The following TDRP variants were observed in gnomAD, a reference collection of about 807,000 sequenced individuals.
TDRP encodes the protein testis development-related protein.
Under a neutral mutation model 10.5 loss-of-function variants are expected in TDRP, and 12 were observed. The observed-to-expected ratio is 1.15, with a 90% CI of 0.73 to 1.86. The LOEUF (loss-of-function observed/expected upper bound fraction) is 1.86. TDRP is among the 40% of genes most tolerant of loss of function. The probability of loss-of-function intolerance (pLI) is 0.00; values close to 1 mark genes in which losing one functional copy is unlikely to be tolerated. For missense variants in TDRP, 353 were observed against 229.2 expected (o/e 1.54, Z -3.49); for synonymous variants, 139 against 95.4 (o/e 1.46, Z -2.67).
intron 1 of TDRP, among the ~76,000 whole-genome samples, chr8:536,830 T>C (rs75566531): frequency 9.9e-5 from 15 of 151,608 alleles, no homozygotes; most frequent in African/African-American, 3.4e-4. Context: ...CCGGAGCGAA[T>C]AAGCAGCGCC....
chr8:536,494 C>A (rs910492775), intron 1 of TDRP, among the ~76,000 whole-genome samples: 1 of 152,096 alleles, frequency 6.6e-6, no homozygotes, highest in African/African-American at 2.4e-5. Flanking sequence ...GTTTTTTCAC[C>A]TGTACATTTT....
At chr8:509,973 T>C (rs557648225) in intron 1 of TDRP, among the ~76,000 whole-genome samples, 21 of 152,234 alleles carry the variant, frequency 1.4e-4, no homozygotes, top group Admixed American at 1.2e-3. Context: ...TGAGCCAAGA[T>C]TGTGTCACTG....
chr8:528,828 T>C (rs1415553912), intron 1 of TDRP, among the ~76,000 whole-genome samples: 1 of 150,604 alleles, frequency 6.6e-6, no homozygotes, highest in African/African-American at 2.4e-5. Flanking sequence ...TATATGTGTG[T>C]ATATATGTGT....
At chr8:517,178 G>T (rs1277619728) in intron 1 of TDRP, among the ~76,000 whole-genome samples, 1 of 152,138 alleles carries the variant, frequency 6.6e-6, no homozygotes, top group Admixed American at 6.5e-5. Context: ...GGGACTCTTT[G>T]CATCAGTGAG....
intron 1 of TDRP, among the ~76,000 whole-genome samples, chr8:505,682 G>A (rs1330389062): frequency 6.6e-6 from 1 of 152,162 alleles, no homozygotes; most frequent in African/African-American, 2.4e-5. Flanking sequence ...GTGCTTCACT[G>A]AGGCTTTAGA....
At chr8:527,035 G>A (rs1442072604) in intron 1 of TDRP, among the ~76,000 whole-genome samples, 2 of 152,084 alleles carry the variant, frequency 1.3e-5, no homozygotes, top group East Asian at 1.9e-4. Context: ...TGGGAGGATG[G>A]CTTGAGGCCC....
intron 1 of TDRP, among the ~76,000 whole-genome samples, chr8:538,061 G>A (rs906435079): frequency 2.0e-4 from 30 of 152,318 alleles, no homozygotes; most frequent in African/African-American, 6.7e-4. Flanking sequence ...TAAAGAAAAA[G>A]CTTCTGCGGC....
chr8:493,053 T>C (rs1801024908), intron 2 of TDRP, among the ~76,000 whole-genome samples: 1 of 152,162 alleles, frequency 6.6e-6, no homozygotes, highest in East Asian at 1.9e-4. Context: ...GTACTCAAGA[T>C]TTTGAGCAAA....
intron 1 of TDRP, among the ~76,000 whole-genome samples, chr8:507,878 T>A (rs1801508388): frequency 6.6e-6 from 1 of 152,194 alleles, no homozygotes; most frequent in Admixed American, 6.5e-5. Flanking sequence ...AGTTTACCTA[T>A]ATAACAAACT....
chr8:540,998 C>G (rs148535473), intron 1 of TDRP, among the ~76,000 whole-genome samples: 289 of 152,282 alleles, frequency 1.9e-3, no homozygotes, highest in African/African-American at 6.6e-3. Context: ...TTGAGAACTT[C>G]TAACATGACA....
At chr8:504,996 G>A (rs544055269) in intron 1 of TDRP, among the ~76,000 whole-genome samples, 8 of 152,228 alleles carry the variant, frequency 5.3e-5, no homozygotes, top group African/African-American at 1.9e-4. Context: ...TTTTAACAAA[G>A]TATTTTGATG....
At chr8:519,073 AGAG>A (rs1321810061) in intron 1 of TDRP, among the ~76,000 whole-genome samples, 2 of 116,944 alleles carry the variant, frequency 1.7e-5, no homozygotes, top group South Asian at 2.9e-4. Context: ...ACCTCCAAAG[AGAG>A]AAGGAGGGCT....
At chr8:501,428 C>T (rs1347193639) in intron 1 of TDRP, among the ~76,000 whole-genome samples, 1 of 151,810 alleles carries the variant, frequency 6.6e-6, no homozygotes, top group East Asian at 2.0e-4. Flanking sequence ...CTCACTGCAA[C>T]ATCCACCTCC....
Position 543,592 on chromosome 8 carries a change from A to G in TDRP, c.108+1058T>C, listed in dbSNP as rs1388133167. Among the ~76,000 whole-genome samples the G allele has an allele frequency of 2.6e-5, 4 of 152,100 alleles. No individual in the cohort carries two copies. In the East Asian group the frequency reaches 5.8e-4, roughly 22 times the overall value. ...GGCACGTAAGCACTAACGCTACCTA[A>G]AAGAAATTTCTCAGACAAGTTCAGA... On this transcript the variant is annotated intron_variant, in intron 1 of 2. Transcript: ENST00000324079.
intron 1 of TDRP, among the ~76,000 whole-genome samples, chr8:522,937 G>T (rs544237415): frequency 6.6e-4 from 100 of 152,228 alleles, no homozygotes; most frequent in African/African-American, 2.2e-3. Flanking sequence ...GTATCTTGTA[G>T]GTGGCATGTG....
chr8:512,914 G>T (rs1212505178), intron 1 of TDRP, among the ~76,000 whole-genome samples: 1 of 151,850 alleles, frequency 6.6e-6, no homozygotes, highest in Non-Finnish European at 1.5e-5. Context: ...GGAGGTTGCA[G>T]TGAGCCAAGA....
chr8:529,892 G>C (rs1802141931), intron 1 of TDRP, among the ~76,000 whole-genome samples: 2 of 152,066 alleles, frequency 1.3e-5, no homozygotes, highest in African/African-American at 4.8e-5. Context: ...GGAGTCCTTT[G>C]AGATTCTTGA....
intron 1 of TDRP, among the ~76,000 whole-genome samples, chr8:525,347 TAGAA>T (rs1802008432): frequency 6.6e-6 from 1 of 152,164 alleles, no homozygotes; most frequent in Admixed American, 6.5e-5. Context: ...GGATGTTAAT[TAGAA>T]AGAAGAAATT....
intron 1 of TDRP, among the ~76,000 whole-genome samples, chr8:507,217 T>G (rs1436598749): frequency 2.0e-5 from 3 of 152,030 alleles, no homozygotes; most frequent in Non-Finnish European, 4.4e-5. Flanking sequence ...ATCCAATCAC[T>G]TCCTTCCCTC....
Sources: gnomAD v4.1 joint callset for allele counts (sites outside exome capture counted in the v4.1 genomes callset) on GRCh38, gnomAD v4.1.1 for gene constraint, MANE v1.5 for transcripts, NCBI Gene and HGNC (gene_info 2026-07-23, HGNC 2026-07-21) for gene names.